The following UNC13C variants were observed in gnomAD, a reference collection of about 807,000 sequenced individuals.
The protein encoded by UNC13C is unc-13 homolog C, also known as protein unc-13 homolog C.
In UNC13C, 174 loss-of-function variants were observed where a neutral mutation model predicts 245.4. The ratio of observed to expected loss-of-function variants is 0.71; its 90% CI spans 0.63 to 0.80. The LOEUF is 0.80. UNC13C is among the 30% of genes least tolerant of loss of function. UNC13C has a pLI of 0.00. For missense variants in UNC13C, 2,829 were observed against 2,602.9 expected (o/e 1.09, Z -1.89); for synonymous variants, 992 against 895.1 (o/e 1.11, Z -1.93).
chr15:53,904,921 A>G, the UNC13C span, among the ~76,000 whole-genome samples: 1 of 152,208 alleles, frequency 6.6e-6, no homozygotes, highest in Admixed American at 6.5e-5. Context: ...CAAGTGAATA[A>G]GAACTGTAAC....
At chr15:54,605,344 C>A (rs1899709620) in intron 30 of UNC13C, among the ~76,000 whole-genome samples, 1 of 151,894 alleles carries the variant, frequency 6.6e-6, no homozygotes, top group Admixed American at 6.5e-5. Flanking sequence ...ATGAGGTGCT[C>A]TTCCTGTGTG....
intron 18 of UNC13C, among the ~76,000 whole-genome samples, chr15:54,399,643 T>C (rs1323675692): frequency 1.3e-5 from 2 of 151,772 alleles, no homozygotes; most frequent in South Asian, 2.1e-4. Flanking sequence ...TCTCAATGTA[T>C]TGAGTAGAAA....
At chr15:54,045,963 C>A (rs1897019418) in intron 2 of UNC13C, among the ~76,000 whole-genome samples, 1 of 152,214 alleles carries the variant, frequency 6.6e-6, no homozygotes, top group Admixed American at 6.5e-5. Flanking sequence ...ATTGTAGTAT[C>A]AGTATAGATT....
intron 26 of UNC13C, among the ~76,000 whole-genome samples, chr15:54,541,074 G>A (rs1452036704): frequency 6.6e-6 from 1 of 151,992 alleles, no homozygotes; most frequent in African/African-American, 2.4e-5. Flanking sequence ...TCAAATTACA[G>A]GAGCCGGAGT....
intron 4 of UNC13C, among the ~76,000 whole-genome samples, chr15:54,221,743 C>G (rs1210139144): frequency 6.6e-6 from 1 of 152,004 alleles, no homozygotes; most frequent in Non-Finnish European, 1.5e-5. Context: ...TGCATTTTCT[C>G]AGACCCACAG....
intron 25 of UNC13C, among the ~76,000 whole-genome samples, chr15:54,526,431 T>A (rs1895462636): frequency 6.6e-6 from 1 of 152,150 alleles, no homozygotes; most frequent in Non-Finnish European, 1.5e-5. Flanking sequence ...CAAAAGAGAC[T>A]ATAAAGATTG....
chr15:54,603,997 T>C (rs960909362), intron 30 of UNC13C, among the ~76,000 whole-genome samples: 1 of 152,212 alleles, frequency 6.6e-6, no homozygotes, highest in African/African-American at 2.4e-5. Context: ...TTCCCACTTA[T>C]TCAGAGCCTG....
chr15:54,388,926 C>T (rs1270079782), intron 17 of UNC13C, among the ~76,000 whole-genome samples: 1 of 151,968 alleles, frequency 6.6e-6, no homozygotes, highest in African/African-American at 2.4e-5. Flanking sequence ...TCTTTCTCAC[C>T]CATTAGTCAA....
chr15:54,314,897 G>A (rs2037970758), intron 13 of UNC13C, among the ~76,000 whole-genome samples: 1 of 151,720 alleles, frequency 6.6e-6, no homozygotes, highest in South Asian at 2.1e-4. Flanking sequence ...TTAGAGATCA[G>A]AAGCAGACAG....
At chr15:54,009,507 C>T (rs1189488429) in intron 1 of UNC13C, among the ~76,000 whole-genome samples, 1 of 151,706 alleles carries the variant, frequency 6.6e-6, no homozygotes, top group Non-Finnish European at 1.5e-5. Context: ...AATTAATGTA[C>T]AAGATAAAGC....
the UNC13C span, among the ~76,000 whole-genome samples, chr15:53,850,685 G>C: frequency 6.6e-6 from 1 of 152,028 alleles, no homozygotes; most frequent in East Asian, 1.9e-4. Flanking sequence ...TTCTACTTAG[G>C]TTTTATTCAG....
chr15:54,012,414 A>T (rs558090101), intron 1 of UNC13C, among the ~76,000 whole-genome samples: 9 of 152,276 alleles, frequency 5.9e-5, no homozygotes, highest in African/African-American at 1.7e-4. Flanking sequence ...TTACTATTTC[A>T]GTTGTGTCCA....
chr15:54,543,061 T>A (rs1896319521), intron 26 of UNC13C, among the ~76,000 whole-genome samples: 2 of 152,206 alleles, frequency 1.3e-5, no homozygotes, highest in South Asian at 4.1e-4. Flanking sequence ...CTGGTTATTT[T>A]GCCCATTAGT....
At chr15:54,358,736 A>G (rs991159330) in intron 17 of UNC13C, among the ~76,000 whole-genome samples, 1 of 151,930 alleles carries the variant, frequency 6.6e-6, no homozygotes, top group Non-Finnish European at 1.5e-5. Flanking sequence ...GATTTTCTGT[A>G]TTTTTAATCA....
chr15:54,323,228 C>T (rs1254327490), intron 14 of UNC13C, among the ~76,000 whole-genome samples: 2 of 151,976 alleles, frequency 1.3e-5, no homozygotes, highest in East Asian at 1.9e-4. Flanking sequence ...AAAAGATGTG[C>T]TCCTGTGTTT....
the UNC13C span, among the ~76,000 whole-genome samples, chr15:53,887,114 A>C: frequency 6.6e-6 from 1 of 152,178 alleles, no homozygotes. Flanking sequence ...ATCCTATATC[A>C]ATATGGCTTC....
At chr15:54,161,573 A>T (rs753036376) in intron 4 of UNC13C, among the ~76,000 whole-genome samples, 3 of 152,170 alleles carry the variant, frequency 2.0e-5, no homozygotes. Flanking sequence ...TATTTCTATA[A>T]GTTCAGAGTT....
chr15:54,280,698 GTATACATACATA>G (rs1401343994), intron 10 of UNC13C, among the ~76,000 whole-genome samples: 1 of 54,594 alleles, frequency 1.8e-5, no homozygotes, highest in Non-Finnish European at 3.1e-5. Context: ...ATAAACATAT[GTATACATACATA>G]TATACATATA....
chr15:53,868,209 T>C, the UNC13C span, among the ~76,000 whole-genome samples: 11 of 152,196 alleles, frequency 7.2e-5, no homozygotes, highest in Non-Finnish European at 2.9e-5. Context: ...AAGTTTCTGC[T>C]GACCACCCTG....
Sources: gnomAD v4.1 joint callset for allele counts (sites outside exome capture counted in the v4.1 genomes callset) on GRCh38, gnomAD v4.1.1 for gene constraint, MANE v1.5 for transcripts, NCBI Gene and HGNC (gene_info 2026-07-23, HGNC 2026-07-21) for gene names.